The following FAM13C variants were observed in gnomAD, a reference collection of about 807,000 sequenced individuals.
The protein encoded by FAM13C is family with sequence similarity 13 member C.
A neutral mutation model predicts 73.2 loss-of-function variants in FAM13C; 37 were observed. The ratio of observed to expected loss-of-function variants is 0.51; its 90% CI spans 0.39 to 0.67. The LOEUF is 0.67. Ranked by LOEUF, FAM13C falls within the 30% of genes least tolerant of loss-of-function variation. The pLI is 0.00. For missense variants in FAM13C, 589 were observed against 715.6 expected, an observed-to-expected ratio of 0.82 and a Z score of 2.02; for synonymous variants, 246 against 260.9, an observed-to-expected ratio of 0.94 and a Z score of 0.55.
chr10:59,281,244 T>C (rs1326731946), intron 6 of FAM13C, among the ~76,000 whole-genome samples: 2 of 152,162 alleles, frequency 1.3e-5, no homozygotes, highest in African/African-American at 2.4e-5. Context: ...ATTCTAGAAA[T>C]CCATCCCTGA....
chr10:59,309,405 C>T (rs998148219), intron 4 of FAM13C, among the ~76,000 whole-genome samples: 4 of 152,146 alleles, frequency 2.6e-5, no homozygotes, highest in South Asian at 2.1e-4. Flanking sequence ...CTCAAAATTC[C>T]GAGAGTACTG....
chr10:59,340,202 C>T (rs1053175560), intron 3 of FAM13C, among the ~76,000 whole-genome samples: 1 of 150,302 alleles, frequency 6.7e-6, no homozygotes, highest in Non-Finnish European at 1.5e-5. Flanking sequence ...GTTGCAGTTA[C>T]TGAATTTTCT....
At chr10:59,255,251 TA>T (rs1201390555) in intron 10 of FAM13C, among the ~76,000 whole-genome samples, 1 of 152,168 alleles carries the variant, frequency 6.6e-6, no homozygotes, top group African/African-American at 2.4e-5. Flanking sequence ...CTCAATTTCC[TA>T]CCTATACAAG....
At chr10:59,250,244 G>A (rs1460045412) in intron 13 of FAM13C, among the ~76,000 whole-genome samples, 1 of 151,990 alleles carries the variant, frequency 6.6e-6, no homozygotes, top group Non-Finnish European at 1.5e-5. Context: ...AGTCCAGACA[G>A]ACAAAGTTAC....
At chr10:59,272,248 G>A (rs1330918335) in intron 6 of FAM13C, among the ~76,000 whole-genome samples, 2 of 152,164 alleles carry the variant, frequency 1.3e-5, no homozygotes, top group African/African-American at 4.8e-5. Context: ...AGGAAGCTGT[G>A]AGCCAGAAAG....
At chr10:59,323,512 C>T (rs752138114) in intron 4 of FAM13C, 14 of 168,350 alleles carry the variant, frequency 8.3e-5, no homozygotes, top group Non-Finnish European at 1.6e-4. Context: ...GTCCTTTTCA[C>T]TTGTGCAACA....
intron 3 of FAM13C, among the ~76,000 whole-genome samples, chr10:59,347,265 G>A (rs1589705285): frequency 6.6e-6 from 1 of 152,054 alleles, no homozygotes; most frequent in South Asian, 2.1e-4. Context: ...CAAAGTTGGT[G>A]CAAAACTGGA....
At chr10:59,355,567 T>C (rs1855601336) in intron 2 of FAM13C, among the ~76,000 whole-genome samples, 1 of 152,182 alleles carries the variant, frequency 6.6e-6, no homozygotes, top group Non-Finnish European at 1.5e-5. Flanking sequence ...AGACACTCAA[T>C]AATATGTTTG....
At chr10:59,268,040 G>A (rs1037671600) in intron 8 of FAM13C, among the ~76,000 whole-genome samples, 1 of 152,080 alleles carries the variant, frequency 6.6e-6, no homozygotes, top group East Asian at 1.9e-4. Context: ...CTTAGGGTTG[G>A]TTCTTATGAG....
At chr10:59,277,317 C>T (rs1784206861) in intron 6 of FAM13C, among the ~76,000 whole-genome samples, 1 of 152,176 alleles carries the variant, frequency 6.6e-6, no homozygotes, top group South Asian at 2.1e-4. Flanking sequence ...ATAATTATTT[C>T]ATATTTATTT....
At chr10:59,295,520 T>G (rs1377576547) in intron 5 of FAM13C, among the ~76,000 whole-genome samples, 1 of 152,066 alleles carries the variant, frequency 6.6e-6, no homozygotes, top group East Asian at 1.9e-4. Context: ...GGCAATGACC[T>G]GAAGAAGCTG....
chr10:59,256,747 A>G (rs551624280), intron 10 of FAM13C, among the ~76,000 whole-genome samples: 1 of 152,302 alleles, frequency 6.6e-6, no homozygotes, highest in South Asian at 2.1e-4. Flanking sequence ...CTGCAAAGTG[A>G]TCTTCATAAA....
At chr10:59,315,182 A>G (rs1181989984) in intron 4 of FAM13C, among the ~76,000 whole-genome samples, 3 of 152,214 alleles carry the variant, frequency 2.0e-5, no homozygotes, top group Non-Finnish European at 4.4e-5. Context: ...GATCGCTAGC[A>G]GGGAAACTTG....
At chr10:59,295,442 C>T (rs1485827313) in intron 5 of FAM13C, among the ~76,000 whole-genome samples, 1 of 152,140 alleles carries the variant, frequency 6.6e-6, no homozygotes, top group African/African-American at 2.4e-5. Flanking sequence ...AAGCTGAGAG[C>T]TGCCCTCAGG....
At chr10:59,333,528 T>C (rs1852292759) in intron 3 of FAM13C, among the ~76,000 whole-genome samples, 1 of 152,126 alleles carries the variant, frequency 6.6e-6, no homozygotes, top group South Asian at 2.1e-4. Flanking sequence ...AAAATCCTTT[T>C]ACTTAAAAGC....
intron 6 of FAM13C, 22 bp from the exon 7 acceptor site, chr10:59,270,131 T>G (rs770512808): frequency 3.1e-6 from 5 of 1,608,046 alleles, no homozygotes; most frequent in African/African-American, 1.3e-5. Flanking sequence ...AGACAAATCA[T>G]CAAGACTTAG....
At position 59,247,296 on chromosome 10, in the gene FAM13C, G is replaced by C; in HGVS notation, c.*318C>G. 4.0e-6 allele frequency: 1 copy of C among 247,118 alleles called. No individual in the cohort carries two copies. Among genetic ancestry groups the C allele is most frequent in the Non-Finnish European group, 7.6e-6 (1 of 131,062 alleles). The allele number at this position is 247,118 out of a possible 1,614,324, so 15.3% of individuals were successfully genotyped here. Reference sequence around the variant, plus strand: ...ATACTAAATAAACTTTCCCTAACAAGTGTCCTAGCTATGTTATTTAGATTT... The same window carrying C: ...ATACTAAATAAACTTTCCCTAACAACTGTCCTAGCTATGTTATTTAGATTT... On this transcript the variant is annotated 3_prime_UTR_variant, in exon 14 of 14. Transcript: ENST00000618804.
intron 2 of FAM13C, 134 bp from the exon 3 acceptor site, chr10:59,352,608 T>G: frequency 2.4e-6 from 2 of 826,874 alleles, no homozygotes; most frequent in East Asian, 2.7e-5. Context: ...TAGCCTACAC[T>G]TAGACAATTT....
At chr10:59,289,534 G>A (rs553381724) in intron 5 of FAM13C, among the ~76,000 whole-genome samples, 1 of 152,330 alleles carries the variant, frequency 6.6e-6, no homozygotes, top group African/African-American at 2.4e-5. Flanking sequence ...TTCCATGCAA[G>A]AGCTGCACTA....
Sources: allele counts gnomAD v4.1 joint callset (sites outside exome capture counted in the v4.1 genomes callset), GRCh38; gene constraint gnomAD v4.1.1; transcripts MANE v1.5; gene names NCBI Gene and HGNC (gene_info 2026-07-23, HGNC 2026-07-21).